RASGRF2: variants seen among roughly 807,000 people sequenced by gnomAD.
RASGRF2 encodes the protein Ras protein specific guanine nucleotide releasing factor 2, also known as ras-specific guanine nucleotide-releasing factor 2.
A neutral mutation model predicts 151.0 loss-of-function variants in RASGRF2; 76 were observed. The observed-to-expected ratio is 0.50, with a 90% CI of 0.42 to 0.61. The LOEUF (loss-of-function observed/expected upper bound fraction) is 0.61. RASGRF2 is among the 20% of genes least tolerant of loss of function. The pLI, the probability that RASGRF2 is intolerant of heterozygous loss-of-function variation, is 0.00. For missense variants in RASGRF2, 1,148 were observed against 1,564.6 expected (o/e 0.73, Z 4.49); for synonymous variants, 504 against 566.5 (o/e 0.89, Z 1.57).
chr5:80,985,518 G>A lies in RASGRF2; in HGVS notation c.288+24492G>A, dbSNP rs181432623. On this transcript the variant is annotated intron_variant, in intron 1 of 26. Coordinates refer to ENST00000265080, the MANE Select transcript of RASGRF2 (RefSeq NM_006909.3). The stretch of plus-strand genomic sequence containing the variant: ...CACATAATGAAGGATGTTAGATAAA[G>A]AGCATTAGCCCCAGAGATTAGTCAC... Among the ~76,000 whole-genome samples the A allele has an allele frequency of 5.3e-4, 80 of 152,306 alleles. 2 individuals are homozygous for A. Among genetic ancestry groups the A allele is most frequent in the African/African-American group, 1.8e-3 (74 of 41,562 alleles).
intron 26 of RASGRF2, among the ~76,000 whole-genome samples, chr5:81,225,270 A>C (rs1755947240): frequency 6.6e-6 from 1 of 152,232 alleles, no homozygotes; most frequent in Non-Finnish European, 1.5e-5. Flanking sequence ...AATACTGTAT[A>C]GCAGTTAGAG....
At position 81,113,912 on chromosome 5, in the gene RASGRF2, T is replaced by A. The variant is rs1278886061; in HGVS notation, c.2462T>A (p.Ile821Asn). Residue 821 changes from isoleucine (I) to asparagine (N), a missense_variant, in exon 15 of 27, where the codon ATT becomes AAT. Coordinates refer to ENST00000265080, the MANE Select transcript of RASGRF2 (RefSeq NM_006909.3). ...VDLCNKLKRSIQKAVLESAPA... is the reference protein window; with the variant it reads ...VDLCNKLKRSNQKAVLESAPA... ...CTGTGTAACAAGCTAAAACGAAGTA[T>A]TCAAAAAGGTATTATCTAGCACATT... The A allele has an allele frequency of 1.2e-6, 2 of 1,611,106 alleles. No individual in the cohort carries two copies. Among genetic ancestry groups the A allele is most frequent in the South Asian group, 1.1e-5 (1 of 90,578 alleles).
rs76946495 is a variant in RASGRF2, at chr5:81,122,637, T to G, written c.2471-1005T>G. ...AGCAAAGTAGTTCTGCTGACAGGAT[T>G]AATGTACAATTAGTGGAGGTGACAC... On this transcript the variant is annotated intron_variant, in intron 15 of 26. Coordinates refer to ENST00000265080, the MANE Select transcript of RASGRF2 (RefSeq NM_006909.3). Among the ~76,000 whole-genome samples the G allele has an allele frequency of 1.9e-3, 288 of 152,316 alleles. 2 individuals carry two copies. In the East Asian group the frequency reaches 0.031, roughly 16 times the overall value.
At chr5:81,049,806 G>T (rs1264356466) in intron 2 of RASGRF2, among the ~76,000 whole-genome samples, 2 of 152,202 alleles carry the variant, frequency 1.3e-5, no homozygotes, top group Admixed American at 1.3e-4. Context: ...ATCAAGTCCT[G>T]GGCAGGCTGA....
At chr5:81,077,674 C>A (rs2112472459) in intron 5 of RASGRF2, among the ~76,000 whole-genome samples, 1 of 152,346 alleles carries the variant, frequency 6.6e-6, no homozygotes, top group African/African-American at 2.4e-5. Context: ...TCTGGTGATA[C>A]TTCAGTCACC....
intron 1 of RASGRF2, among the ~76,000 whole-genome samples, chr5:80,989,962 T>C (rs1475856501): frequency 2.0e-5 from 3 of 152,210 alleles, no homozygotes; most frequent in African/African-American, 7.2e-5. Context: ...GGATTGCTTA[T>C]TGGACTCGAG....
intron 7 of RASGRF2, 59 bp downstream of exon 7, chr5:81,080,848 C>T: frequency 6.8e-7 from 1 of 1,462,872 alleles, no homozygotes; most frequent in Non-Finnish European, 9.5e-7. Context: ...TCACTGATAC[C>T]TAGCGTGACC....
At chr5:81,220,779 ATT>A (rs1755841038) in intron 26 of RASGRF2, among the ~76,000 whole-genome samples, 1 of 152,182 alleles carries the variant, frequency 6.6e-6, no homozygotes, top group African/African-American at 2.4e-5. Context: ...ATACCTTATT[ATT>A]AACTGAAGAC....
intron 1 of RASGRF2, among the ~76,000 whole-genome samples, chr5:81,040,127 C>G (rs1457628409): frequency 1.3e-5 from 2 of 152,152 alleles, no homozygotes; most frequent in Non-Finnish European, 2.9e-5. Context: ...CCTCAGCCTC[C>G]TGAGTAGCTG....
chr5:81,087,667 G>A (rs1399104349), intron 9 of RASGRF2: 1 of 401,688 alleles, frequency 2.5e-6, no homozygotes, highest in African/African-American at 2.0e-5. Flanking sequence ...CACATCCCAA[G>A]TTATTTTTTT....
chr5:81,045,404 C>CT (rs1750805448), intron 2 of RASGRF2, among the ~76,000 whole-genome samples: 5 of 152,192 alleles, frequency 3.3e-5, no homozygotes, highest in Admixed American at 1.3e-4. Context: ...AGTAAGAAAT[C>CT]TTTTTTTCTG....
At chr5:81,029,979 C>T (rs982920916) in intron 1 of RASGRF2, among the ~76,000 whole-genome samples, 13 of 152,132 alleles carry the variant, frequency 8.5e-5, no homozygotes, top group African/African-American at 3.1e-4. Flanking sequence ...GAGCTGAAAA[C>T]CATGGCACGA....
chr5:81,188,188 C>A (rs922084979), intron 18 of RASGRF2, among the ~76,000 whole-genome samples: 1 of 152,192 alleles, frequency 6.6e-6, no homozygotes, highest in African/African-American at 2.4e-5. Flanking sequence ...TTCTGTCACA[C>A]TCCTGGCCTG....
At chr5:81,218,538 T>G (rs1228753008) in intron 25 of RASGRF2, among the ~76,000 whole-genome samples, 1 of 152,222 alleles carries the variant, frequency 6.6e-6, no homozygotes, top group Non-Finnish European at 1.5e-5. Flanking sequence ...GGGTTCTCTA[T>G]TCTGTTCCAT....
chr5:80,994,148 G>T (rs533316703), intron 1 of RASGRF2, among the ~76,000 whole-genome samples: 56 of 152,074 alleles, frequency 3.7e-4, no homozygotes, highest in African/African-American at 1.3e-3. Flanking sequence ...GGCGGATCAC[G>T]AGGTCAGGAG....
chr5:81,091,943 A>G lies in RASGRF2; in HGVS notation c.1391-858A>G, dbSNP rs181772363. 2.1e-4 allele frequency among the ~76,000 whole-genome samples: 32 copies of G among 152,332 alleles called. No individual in the cohort carries two copies. The East Asian group carries it at 5.0e-3, about 24-fold the overall frequency. On this transcript the variant is annotated intron_variant, in intron 9 of 26. Coordinates refer to ENST00000265080, the MANE Select transcript of RASGRF2 (RefSeq NM_006909.3). ...TAAATGTAAGAAATTTGACTATCTC[A>G]GGGCACTTCAGAAGTCAGAATCAAG...
intron 17 of RASGRF2, among the ~76,000 whole-genome samples, chr5:81,164,796 GAT>G (rs1048204422): frequency 2.0e-5 from 3 of 152,204 alleles, no homozygotes; most frequent in African/African-American, 7.2e-5. Context: ...AGGGAGGAAT[GAT>G]GAAATTCCTC....
Position 81,212,425 on chromosome 5 carries a change from C to T in RASGRF2, c.3216C>T (p.Asn1072=), listed in dbSNP as rs770621219. The change falls in exon 23 of 27, where the codon AAC becomes AAT. Residue 1072 remains asparagine (N), a synonymous_variant. Transcript: ENST00000265080. ...ATGCTGATGTCAGCTCCCGTGCCAA[C>T]GCCATCGAGAAATGGGTGGCAGTGG... ...MNYADVSSRA[N]AIEKWVAVAD... 7 of 1,613,868 alleles carry T rather than the reference C, an allele frequency of 4.3e-6. No individual in the cohort carries two copies. Among genetic ancestry groups the T allele is most frequent in the Non-Finnish European group, 5.1e-6 (6 of 1,179,928 alleles).
At chr5:81,060,457 T>G (rs252589) in intron 2 of RASGRF2, among the ~76,000 whole-genome samples, 100,798 of 151,468 alleles carry the variant, frequency 0.67, 34,544 homozygotes, top group Non-Finnish European at 0.76. Context: ...TCTGCCCCCC[T>G]ACTTCCTGTT....
Sources: allele counts gnomAD v4.1 joint callset (sites outside exome capture counted in the v4.1 genomes callset), GRCh38; gene constraint gnomAD v4.1.1; transcripts MANE v1.5; gene names NCBI Gene and HGNC (gene_info 2026-07-23, HGNC 2026-07-21).